ROR2: variants seen among roughly 807,000 people sequenced by gnomAD.
ROR2 encodes ROR family WNT receptor 2.
A neutral mutation model predicts 74.9 loss-of-function variants in ROR2; 33 were observed. That is an observed-to-expected ratio of 0.44 (90% confidence interval 0.33 to 0.59). The LOEUF is 0.59. Ranked by LOEUF, ROR2 falls within the 20% of genes least tolerant of loss-of-function variation. The pLI, the probability that ROR2 is intolerant of heterozygous loss-of-function variation, is 0.02. For missense variants in ROR2, 1,216 were observed against 1,313.8 expected (o/e 0.93, Z 1.15); for synonymous variants, 586 against 558.7 (o/e 1.05, Z -0.69).
chr9:91,881,953 G>C (rs555972534), intron 1 of ROR2, among the ~76,000 whole-genome samples: 1 of 152,276 alleles, frequency 6.6e-6, no homozygotes, highest in Non-Finnish European at 1.5e-5. Flanking sequence ...AGTATGTGTC[G>C]GGCATCTATC....
rs577221820 is a variant in ROR2, at chr9:91,836,041, T to G, written c.98-60223A>C. 5.3e-5 allele frequency among the ~76,000 whole-genome samples: 8 copies of G among 152,302 alleles called. No individual in the cohort carries two copies. The South Asian group carries it at 1.7e-3, about 32-fold the overall frequency. On this transcript the variant is annotated intron_variant, in intron 1 of 8. Coordinates refer to ENST00000375708, the MANE Select transcript of ROR2 (RefSeq NM_004560.4). The stretch of plus-strand genomic sequence containing the variant: ...AAGCAATGAGGTTTTACTTCCTGCA[T>G]TCCCCCGCTAAACAACAGAGTTTGG...
intron 6 of ROR2, 121 bp from the exon 7 acceptor site, chr9:91,731,276 G>C: frequency 2.1e-6 from 3 of 1,405,366 alleles, no homozygotes; most frequent in Non-Finnish European, 3.0e-6. Context: ...CAGAAAAGAG[G>C]CATTAAAAGT....
At chr9:91,739,147 G>A (rs960857526) in intron 4 of ROR2, among the ~76,000 whole-genome samples, 5 of 152,186 alleles carry the variant, frequency 3.3e-5, no homozygotes, top group Non-Finnish European at 5.9e-5. Context: ...CCATAAGCCT[G>A]AGAGCACTCG....
chr9:91,780,768 G>A (rs1341874069), intron 1 of ROR2, among the ~76,000 whole-genome samples: 1 of 152,196 alleles, frequency 6.6e-6, no homozygotes, highest in African/African-American at 2.4e-5. Context: ...TCCAGCCTGG[G>A]TGACAGAGCA....
chr9:91,950,003 G>A lies in ROR2; in HGVS notation c.-40C>T. 1 of 1,156,466 alleles carries A rather than the reference G, an allele frequency of 8.6e-7. No individual in the cohort carries two copies. The highest frequency in any genetic ancestry group is 3.2e-5 in the East Asian group (1 of 31,522). The allele number at this position is 1,156,466 out of a possible 1,614,324, so 71.6% of individuals were successfully genotyped here. A position where few individuals can be genotyped will look rare whatever the true frequency, so the allele number is the denominator to read the frequency against. ...GGGCCGGGAAGCCCTCAGAGCTTCG[G>A]GCCGGGGCGCGGGGTCGGGCGCCAC... On this transcript the variant is annotated 5_prime_UTR_variant, in exon 1 of 9. Coordinates refer to ENST00000375708, the MANE Select transcript of ROR2 (RefSeq NM_004560.4).
At chr9:91,871,298 T>C (rs554846545) in intron 1 of ROR2, among the ~76,000 whole-genome samples, 2 of 152,364 alleles carry the variant, frequency 1.3e-5, no homozygotes, top group South Asian at 4.1e-4. Flanking sequence ...TAAACCACTA[T>C]CTGTGTTTCT....
In ROR2 at chr9:91,733,029, G is replaced by A. The variant is rs1158690787; in HGVS notation, c.937+93C>T. 6.3e-6 allele frequency: 8 copies of A among 1,266,860 alleles called. No individual in the cohort carries two copies. The highest frequency in any genetic ancestry group is 8.7e-6 in the Non-Finnish European group (8 of 916,886). 78.5% of individuals were successfully genotyped at this position (1,266,860 alleles called of 1,614,324 possible). A position where few individuals can be genotyped will look rare whatever the true frequency, so the allele number is the denominator to read the frequency against. On this transcript the variant is annotated intron_variant, in intron 6 of 8. Transcript: ENST00000375708. This position sits in a 1 kb window ranked among gnomAD's most constrained non-coding sequence, Gnocchi z 5.7. ...GTTCTGTGGGGCCTGGACAGATGGG[G>A]CTCCCTGGGCTTCACCGACACCCCC...
chr9:91,746,058 GT>G (rs1168264758), intron 4 of ROR2, among the ~76,000 whole-genome samples: 1 of 151,900 alleles, frequency 6.6e-6, no homozygotes, highest in Non-Finnish European at 1.5e-5. Context: ...AGGTGGCTTG[GT>G]TTTTTTGTTT....
chr9:91,757,059 C>G (rs1280565703), intron 3 of ROR2, among the ~76,000 whole-genome samples: 30 of 152,220 alleles, frequency 2.0e-4, no homozygotes, highest in Admixed American at 2.0e-3. Context: ...CGTGAGCCAC[C>G]GTGCCTCGCC....
intron 1 of ROR2, among the ~76,000 whole-genome samples, chr9:91,834,303 T>C (rs1336358701): frequency 6.6e-6 from 1 of 152,162 alleles, no homozygotes; most frequent in African/African-American, 2.4e-5. Flanking sequence ...GTGCCACAGA[T>C]GCCCAGGACC....
rs200318053 is a variant in ROR2 at position 91,925,462 on chromosome 9, CTGTA to C, written c.97+24401_97+24404del. ...CACCCCTGACAATGCTGTCAGCTGC[CTGTA>C]TGTGTGTGTGTGTGTGTGTGTGTGT... On this transcript the variant is annotated intron_variant, in intron 1 of 8. Coordinates refer to ENST00000375708, the MANE Select transcript of ROR2 (RefSeq NM_004560.4). Among the ~76,000 whole-genome samples, 550 of 126,138 alleles carry C rather than the reference CTGTA, an allele frequency of 4.4e-3. 5 individuals are homozygous for C. Among genetic ancestry groups the C allele is most frequent in the African/African-American group, 0.016 (496 of 30,200 alleles). The allele number at this position is 126,138 out of a possible 152,430, so 82.8% of individuals were successfully genotyped here.
intron 1 of ROR2, among the ~76,000 whole-genome samples, chr9:91,940,085 G>A (rs1288665027): frequency 1.3e-5 from 2 of 152,140 alleles, no homozygotes; most frequent in Admixed American, 6.5e-5. Flanking sequence ...TCCAGAATTC[G>A]GAGCTTCCAA....
chr9:91,766,813 C>A (rs1029771899), intron 2 of ROR2, among the ~76,000 whole-genome samples: 1 of 152,192 alleles, frequency 6.6e-6, no homozygotes, highest in Non-Finnish European at 1.5e-5. Flanking sequence ...TGGATTTGGG[C>A]AGCACTCACA....
chr9:91,726,263 G>A (rs1254774320), intron 8 of ROR2, among the ~76,000 whole-genome samples: 1 of 152,212 alleles, frequency 6.6e-6, no homozygotes, highest in Admixed American at 6.5e-5. Flanking sequence ...CCTGGACAGT[G>A]AGGACACTCG....
intron 1 of ROR2, among the ~76,000 whole-genome samples, chr9:91,890,989 C>A (rs1830406115): frequency 6.6e-6 from 1 of 152,078 alleles, no homozygotes; most frequent in African/African-American, 2.4e-5. Context: ...TGCTGTTGTT[C>A]TTTTAACATA....
rs527951545 is a variant in ROR2 at position 91,863,076 on chromosome 9, G to T, written c.97+86791C>A. Among the ~76,000 whole-genome samples, 13 of 152,364 alleles carry T rather than the reference G, an allele frequency of 8.5e-5. No individual in the cohort carries two copies. The South Asian group carries it at 2.7e-3, about 32-fold the overall frequency. On this transcript the variant is annotated intron_variant, in intron 1 of 8. Transcript: ENST00000375708. ...ATAAAAAAGACACACAATAACAAGT[G>T]TTAGTGAGGATGTGCAGAAAGTGCA...
chr9:91,803,177 T>C (rs996726380), intron 1 of ROR2, among the ~76,000 whole-genome samples: 64 of 152,250 alleles, frequency 4.2e-4, no homozygotes, highest in Admixed American at 3.9e-3. Flanking sequence ...TCAGGTCGGA[T>C]GAAGAGATAA....
rs560828535 is a variant in ROR2, at chr9:91,752,705, T to G, written c.494+3366A>C. The stretch of plus-strand genomic sequence containing the variant: ...CTTATAGTGCTATACTTAAGATGTG[T>G]GCATTTCACTGGTATGCAAATTTTA... On this transcript the variant is annotated intron_variant, in intron 4 of 8. Transcript: ENST00000375708. Among the ~76,000 whole-genome samples, 9 of 152,334 alleles carry G rather than the reference T, an allele frequency of 5.9e-5. No homozygotes were observed. The South Asian group carries it at 1.2e-3, about 21-fold the overall frequency.
intron 1 of ROR2, among the ~76,000 whole-genome samples, chr9:91,928,965 G>T (rs369223530): frequency 6.6e-6 from 1 of 152,216 alleles, no homozygotes; most frequent in African/African-American, 2.4e-5. Context: ...TAGAAAGACT[G>T]GCAAGAAAAC....
Sources: allele counts gnomAD v4.1 joint callset (sites outside exome capture counted in the v4.1 genomes callset), GRCh38; gene constraint gnomAD v4.1.1; non-coding constraint Gnocchi (gnomAD v3.1); transcripts MANE v1.5; gene names NCBI Gene and HGNC (gene_info 2026-07-23, HGNC 2026-07-21).